RIMS2: variants seen among roughly 807,000 people sequenced by gnomAD.
RIMS2 encodes the protein regulating synaptic membrane exocytosis protein 2.
RIMS2 carries 59 observed loss-of-function variants against 174.4 expected under a neutral mutation model. The ratio of observed to expected loss-of-function variants is 0.34; its 90% confidence interval spans 0.27 to 0.42. The LOEUF (loss-of-function observed/expected upper bound fraction) is 0.42, where lower values mean the gene tolerates loss of function less well. Among genes scored for constraint, RIMS2 ranks in the 10% least tolerant of loss-of-function variants. The pLI is 1.00. For synonymous variants in RIMS2, 606 were observed against 572.5 expected, an observed-to-expected ratio of 1.06 and a Z score of -0.84; for missense variants, 1,620 against 1,666.3, an observed-to-expected ratio of 0.97 and a Z score of 0.48.
At chr8:103,606,723 T>C (rs1458435042) in intron 1 of RIMS2, among the ~76,000 whole-genome samples, 12 of 152,156 alleles carry the variant, frequency 7.9e-5, no homozygotes, top group Admixed American at 2.0e-4. Context: ...AGTTAGCTCT[T>C]CTTGTTGAAT....
In RIMS2 at chr8:104,183,764, A is replaced by G. The variant is rs17819341; in HGVS notation, c.3335-61152A>G. ...CCCTAAGATCTACAACTTTTGTCATAACTGTTTGAGGTTAAATAAAATAAA... is the reference window on the plus strand; with the variant it reads ...CCCTAAGATCTACAACTTTTGTCATGACTGTTTGAGGTTAAATAAAATAAA... On this transcript the variant is annotated intron_variant, in intron 19 of 23. Coordinates refer to ENST00000504942, the Ensembl canonical transcript of RIMS2. Among the ~76,000 whole-genome samples, 1,403 of 151,728 alleles carry G rather than the reference A, an allele frequency of 9.2e-3. 9 individuals carry two copies. The highest frequency in any genetic ancestry group is 0.034 in the Middle Eastern group (10 of 294).
At chr8:103,911,729 G>C (rs896500551) in intron 5 of RIMS2, among the ~76,000 whole-genome samples, 14 of 152,108 alleles carry the variant, frequency 9.2e-5, no homozygotes, top group Admixed American at 2.0e-4. Context: ...TTTTCAGCAT[G>C]TAGATAATTA....
intron 19 of RIMS2, among the ~76,000 whole-genome samples, chr8:104,244,641 A>G (rs2099320715): frequency 6.6e-6 from 1 of 152,184 alleles, no homozygotes; most frequent in African/African-American, 2.4e-5. Context: ...CTTAGGTTGA[A>G]TCTTTTTGTT....
chr8:103,879,942 ATAAAT>A (rs2099159531), intron 3 of RIMS2, among the ~76,000 whole-genome samples: 1 of 151,762 alleles, frequency 6.6e-6, no homozygotes, highest in East Asian at 1.9e-4. Context: ...ATGTTAATTG[ATAAAT>A]TAAAATGAGC....
intron 17 of RIMS2, among the ~76,000 whole-genome samples, chr8:104,009,382 C>A (rs1213617141): frequency 6.6e-6 from 1 of 151,916 alleles, no homozygotes; most frequent in South Asian, 2.1e-4. Context: ...CAGCCTCGAC[C>A]TCCTGAGCTC....
chr8:104,181,979 C>T lies in RIMS2; in HGVS notation c.3335-62937C>T, dbSNP rs970790229. 6.6e-5 allele frequency among the ~76,000 whole-genome samples: 10 copies of T among 151,544 alleles called. No individual in the cohort carries two copies. The East Asian group carries it at 7.7e-4, about 12-fold the overall frequency. The stretch of plus-strand genomic sequence containing the variant: ...TGGTAAAATATCCTTTCCTTGAATC[C>T]TATCTTAACTGGTAGACTTTTGCTT... On this transcript the variant is annotated intron_variant, in intron 19 of 23. Coordinates refer to ENST00000504942, the Ensembl canonical transcript of RIMS2.
chr8:103,886,468 A>C (rs2099202290), intron 4 of RIMS2, among the ~76,000 whole-genome samples: 1 of 151,872 alleles, frequency 6.6e-6, no homozygotes, highest in South Asian at 2.1e-4. Flanking sequence ...TGTTTCTGAA[A>C]GTTTTCTTGT....
intron 4 of RIMS2, among the ~76,000 whole-genome samples, chr8:103,899,057 A>T (rs202143600): frequency 2.6e-5 from 4 of 151,662 alleles, no homozygotes; most frequent in Non-Finnish European, 4.4e-5. Context: ...GAACTCATCA[A>T]TTTTTATGGC....
chr8:103,642,907 C>A (rs1483133776), intron 1 of RIMS2, among the ~76,000 whole-genome samples: 2 of 151,790 alleles, frequency 1.3e-5, no homozygotes. Flanking sequence ...TGATATTCAT[C>A]CTGTTTGGTG....
intron 19 of RIMS2, among the ~76,000 whole-genome samples, chr8:104,182,636 A>G (rs1443026670): frequency 2.6e-5 from 4 of 151,674 alleles, no homozygotes; most frequent in Admixed American, 2.0e-4. Context: ...GGAGTCATAT[A>G]GTATGTGGTG....
chr8:103,954,515 C>T (rs1401183276), intron 14 of RIMS2, among the ~76,000 whole-genome samples: 4 of 152,192 alleles, frequency 2.6e-5, no homozygotes, highest in South Asian at 2.1e-4. Flanking sequence ...GGGTAAATAA[C>T]GAAATGAAGG....
At chr8:104,194,136 ATT>A (rs1380189731) in intron 19 of RIMS2, among the ~76,000 whole-genome samples, 1 of 151,878 alleles carries the variant, frequency 6.6e-6, no homozygotes, top group Non-Finnish European at 1.5e-5. Flanking sequence ...TATTAGGAGA[ATT>A]TTTTTCTTTC....
intron 19 of RIMS2, among the ~76,000 whole-genome samples, chr8:104,018,399 CAACT>C (rs1447533808): frequency 6.6e-6 from 1 of 152,130 alleles, no homozygotes; most frequent in Non-Finnish European, 1.5e-5. Context: ...TTGTTTTTCA[CAACT>C]AACTTTAAGA....
At chr8:104,144,504 C>T (rs1021828961) in intron 19 of RIMS2, among the ~76,000 whole-genome samples, 3 of 151,988 alleles carry the variant, frequency 2.0e-5, no homozygotes, top group Non-Finnish European at 2.9e-5. Context: ...TTGCTCTTTT[C>T]GTTTGTCTGT....
chr8:103,942,795 C>T, exon 14 of RIMS2: 2 of 1,611,866 alleles, frequency 1.2e-6, no homozygotes, highest in Non-Finnish European at 1.7e-6. Flanking sequence ...TTAGAAACAG[C>T]ATTATTAGAT....
At chr8:103,561,632 G>A (rs997331385) in intron 1 of RIMS2, among the ~76,000 whole-genome samples, 4 of 152,168 alleles carry the variant, frequency 2.6e-5, no homozygotes, top group Admixed American at 6.5e-5. Flanking sequence ...ACAAAAAAGT[G>A]TGTTCCTATT....
intron 19 of RIMS2, among the ~76,000 whole-genome samples, chr8:104,119,961 G>T (rs72685006): frequency 6.6e-6 from 1 of 152,040 alleles, no homozygotes. Context: ...ACAAATGTAG[G>T]GCACATTGTG....
chr8:103,652,590 G>A (rs778746734), intron 1 of RIMS2, 34 bp from the exon 3 acceptor site: 10 of 1,129,344 alleles, frequency 8.9e-6, no homozygotes, highest in Non-Finnish European at 1.2e-5. Flanking sequence ...TATTCATTTG[G>A]TTATTCAGTC....
At chr8:103,599,485 T>C (rs777434645) in intron 1 of RIMS2, among the ~76,000 whole-genome samples, 3 of 151,156 alleles carry the variant, frequency 2.0e-5, no homozygotes, top group African/African-American at 2.4e-5. Flanking sequence ...GTTGCCCTGA[T>C]TGTCATGCAG....
Sources: allele counts gnomAD v4.1 joint callset (sites outside exome capture counted in the v4.1 genomes callset), GRCh38; gene constraint gnomAD v4.1.1; transcripts MANE v1.5; gene names NCBI Gene and HGNC (gene_info 2026-07-23, HGNC 2026-07-21).